The following SORCS3 variants were observed in gnomAD, a reference collection of about 807,000 sequenced individuals.
SORCS3 encodes sortilin related VPS10 domain containing receptor 3, also known as VPS10 domain-containing receptor SorCS3.
SORCS3 carries 57 observed loss-of-function variants against 146.3 expected under a neutral mutation model. That is an observed-to-expected ratio of 0.39 (90% CI 0.31 to 0.49). The LOEUF is 0.49. Among genes scored for constraint, SORCS3 ranks in the 20% least tolerant of loss-of-function variants. SORCS3 has a pLI of 0.92. For synonymous variants in SORCS3, 653 were observed against 618.5 expected (o/e 1.06, Z -0.83); for missense variants, 1,341 against 1,575.5 (o/e 0.85, Z 2.52).
At chr10:105,260,152 A>G (rs1328949840) in intron 25 of SORCS3, among the ~76,000 whole-genome samples, 1 of 152,236 alleles carries the variant, frequency 6.6e-6, no homozygotes, top group Non-Finnish European at 1.5e-5. Flanking sequence ...AAATTGAAAT[A>G]AAGCGAATAA....
chr10:104,926,670 G>A (rs954691725), intron 3 of SORCS3, among the ~76,000 whole-genome samples: 4 of 152,210 alleles, frequency 2.6e-5, no homozygotes, highest in African/African-American at 4.8e-5. Flanking sequence ...GAATGGCTGC[G>A]AATGTGCTTC....
intron 3 of SORCS3, among the ~76,000 whole-genome samples, chr10:104,974,001 C>T (rs1365847669): frequency 1.3e-5 from 2 of 151,892 alleles, no homozygotes; most frequent in African/African-American, 2.4e-5. Context: ...TGTAGTTGAG[C>T]GGTTTTGAGT....
chr10:105,134,899 A>G lies in SORCS3; in HGVS notation c.1213-4498A>G, dbSNP rs141608478. ...ATCATCTTAATAAGATGCGGGTGAG[A>G]CTCAAGGAGATTCATCCTGAGGCAG... On this transcript the variant is annotated intron_variant, in intron 7 of 26. Coordinates refer to ENST00000369701, the MANE Select transcript of SORCS3 (RefSeq NM_014978.3). 3.4e-3 allele frequency among the ~76,000 whole-genome samples: 513 copies of G among 152,086 alleles called. 2 individuals are homozygous for G. The highest frequency in any genetic ancestry group is 0.012 in the African/African-American group (487 of 41,484).
chr10:104,748,017 C>A (rs2016931139), intron 1 of SORCS3, among the ~76,000 whole-genome samples: 1 of 152,212 alleles, frequency 6.6e-6, no homozygotes, highest in African/African-American at 2.4e-5. Context: ...TGAGTTAATG[C>A]GTGTAAATGC....
intron 1 of SORCS3, among the ~76,000 whole-genome samples, chr10:104,826,359 C>T (rs1471178973): frequency 2.0e-5 from 3 of 152,148 alleles, no homozygotes; most frequent in African/African-American, 7.2e-5. Flanking sequence ...CTTTCATCTA[C>T]ACCCCATTAG....
At chr10:104,997,259 T>C (rs560816650) in intron 4 of SORCS3, among the ~76,000 whole-genome samples, 1 of 152,316 alleles carries the variant, frequency 6.6e-6, no homozygotes, top group African/African-American at 2.4e-5. Context: ...GGGAACTGTC[T>C]ATATTAAAGT....
At chr10:104,754,759 T>C (rs1369043020) in intron 1 of SORCS3, among the ~76,000 whole-genome samples, 1 of 152,236 alleles carries the variant, frequency 6.6e-6, no homozygotes. Flanking sequence ...TAGAAATCAG[T>C]CCCTGCTGGG....
intron 3 of SORCS3, among the ~76,000 whole-genome samples, chr10:104,976,579 A>G (rs1167783559): frequency 1.3e-5 from 2 of 152,192 alleles, no homozygotes; most frequent in Non-Finnish European, 2.9e-5. Flanking sequence ...CCAAAGGACT[A>G]TAAATCATGC....
intron 22 of SORCS3, among the ~76,000 whole-genome samples, chr10:105,250,501 C>A (rs1290013376): frequency 6.6e-6 from 1 of 152,172 alleles, no homozygotes; most frequent in Non-Finnish European, 1.5e-5. Flanking sequence ...TTAAATGAAT[C>A]TGTATACACT....
intron 4 of SORCS3, among the ~76,000 whole-genome samples, chr10:105,016,155 A>ATATATATATATATATATATATAT (rs71482443): frequency 5.9e-5 from 6 of 101,318 alleles, no homozygotes; most frequent in African/African-American, 2.9e-4. Flanking sequence ...ATATATATAT[A>ATATATATATATATATATATATAT]TTTTTTTTTT....
At chr10:105,105,679 T>C (rs978035688) in intron 7 of SORCS3, among the ~76,000 whole-genome samples, 164 bp downstream of exon 7, 4 of 152,206 alleles carry the variant, frequency 2.6e-5, no homozygotes, top group African/African-American at 9.6e-5. Flanking sequence ...CCCAGACTTC[T>C]ACTGGTTTTA....
At chr10:104,681,274 G>C (rs536878040) in intron 1 of SORCS3, among the ~76,000 whole-genome samples, 2 of 152,286 alleles carry the variant, frequency 1.3e-5, no homozygotes, top group East Asian at 3.9e-4. Flanking sequence ...GAGCGCAGCA[G>C]TGCCGCAGGC....
At chr10:104,780,061 G>A (rs2017356404) in intron 1 of SORCS3, among the ~76,000 whole-genome samples, 1 of 152,042 alleles carries the variant, frequency 6.6e-6, no homozygotes, top group African/African-American at 2.4e-5. Context: ...GGCAGGAGTA[G>A]GGGTGACGGG....
chr10:104,823,960 C>CCATT (rs1464324993), intron 1 of SORCS3, among the ~76,000 whole-genome samples: 1 of 152,062 alleles, frequency 6.6e-6, no homozygotes, highest in African/African-American at 2.4e-5. Flanking sequence ...ACCTGACCAG[C>CCATT]CATTGTTGGC....
intron 1 of SORCS3, among the ~76,000 whole-genome samples, chr10:104,822,258 CAAG>C (rs1015129802): frequency 6.6e-6 from 1 of 152,180 alleles, no homozygotes; most frequent in African/African-American, 2.4e-5. Flanking sequence ...AGTCAACACA[CAAG>C]AAGGACTGCC....
intron 5 of SORCS3, among the ~76,000 whole-genome samples, chr10:105,055,270 T>A (rs1474382060): frequency 6.6e-6 from 1 of 152,220 alleles, no homozygotes; most frequent in African/African-American, 2.4e-5. Flanking sequence ...ATACGTAATT[T>A]GCCTAAGGAC....
chr10:105,160,298 A>G (rs1452067083), intron 11 of SORCS3, among the ~76,000 whole-genome samples: 1 of 152,182 alleles, frequency 6.6e-6, no homozygotes, highest in South Asian at 2.1e-4. Flanking sequence ...AAAATAATAG[A>G]ATTGCAGGAT....
chr10:104,800,926 A>G (rs909045432), intron 1 of SORCS3, among the ~76,000 whole-genome samples: 1 of 152,142 alleles, frequency 6.6e-6, no homozygotes, highest in Non-Finnish European at 1.5e-5. Flanking sequence ...CTCTCTTTAT[A>G]TCACTGGTTT....
intron 1 of SORCS3, among the ~76,000 whole-genome samples, chr10:104,798,329 T>C (rs1289669178): frequency 6.6e-6 from 1 of 152,186 alleles, no homozygotes; most frequent in Non-Finnish European, 1.5e-5. Context: ...ACCAGTTGAC[T>C]ATCAGTCCTG....
Sources: allele counts gnomAD v4.1 joint callset (sites outside exome capture counted in the v4.1 genomes callset), GRCh38; gene constraint gnomAD v4.1.1; transcripts MANE v1.5; gene names NCBI Gene and HGNC (gene_info 2026-07-23, HGNC 2026-07-21).